SLC15A5: variants seen among roughly 807,000 people sequenced by gnomAD.
SLC15A5 encodes solute carrier family 15 member 5, also known as Peptide/histidine transporter ENSP00000340402.
A neutral mutation model predicts 56.1 loss-of-function variants in SLC15A5; 58 were observed. The observed-to-expected ratio is 1.03, with a 90% CI of 0.84 to 1.29. The LOEUF (loss-of-function observed/expected upper bound fraction) is 1.29, where lower values mean the gene tolerates loss of function less well. Ranked by LOEUF, SLC15A5 falls within the 50% of genes most tolerant of loss-of-function variation. The pLI, the probability that SLC15A5 is intolerant of heterozygous loss-of-function variation, is 0.00. For synonymous variants in SLC15A5, 264 were observed against 250.5 expected, an observed-to-expected ratio of 1.05 and a Z score of -0.51; for missense variants, 681 against 672.1, an observed-to-expected ratio of 1.01 and a Z score of -0.15.
chr12:16,207,803 G>A (rs981439878), intron 7 of SLC15A5, among the ~76,000 whole-genome samples: 1 of 151,874 alleles, frequency 6.6e-6, no homozygotes, highest in Non-Finnish European at 1.5e-5. Context: ...ACAGGTGCAC[G>A]CCACCACTCC....
intron 7 of SLC15A5, among the ~76,000 whole-genome samples, chr12:16,216,432 G>A (rs1241956194): frequency 2.0e-5 from 3 of 152,170 alleles, no homozygotes; most frequent in Middle Eastern, 6.8e-3. Context: ...TCTCTACTGG[G>A]AAAATTTTAA....
chr12:16,275,435 G>T (rs1864806425), intron 1 of SLC15A5, among the ~76,000 whole-genome samples: 1 of 152,008 alleles, frequency 6.6e-6, no homozygotes, highest in African/African-American at 2.4e-5. Context: ...GATAATAGAA[G>T]CAATATAGAG....
At chr12:16,254,391 T>C (rs1205798021) in intron 3 of SLC15A5, among the ~76,000 whole-genome samples, 1 of 152,086 alleles carries the variant, frequency 6.6e-6, no homozygotes, top group African/African-American at 2.4e-5. Context: ...ATGAAAAAGT[T>C]CTAGAAATCC....
At chr12:16,219,565 G>C (rs573924000) in intron 6 of SLC15A5, among the ~76,000 whole-genome samples, 1 of 152,194 alleles carries the variant, frequency 6.6e-6, no homozygotes, top group South Asian at 2.1e-4. Context: ...TTCTGGTACG[G>C]TATATAATTC....
At chr12:16,258,143 TA>T (rs1158222190) in intron 2 of SLC15A5, among the ~76,000 whole-genome samples, 2 of 152,138 alleles carry the variant, frequency 1.3e-5, no homozygotes, top group Non-Finnish European at 2.9e-5. Flanking sequence ...AATTTTTCTC[TA>T]AAGGGCTGAA....
intron 7 of SLC15A5, among the ~76,000 whole-genome samples, chr12:16,210,762 C>T (rs1471265047): frequency 6.6e-6 from 1 of 152,140 alleles, no homozygotes; most frequent in Non-Finnish European, 1.5e-5. Context: ...CCTTTTCTAC[C>T]TCTCGTGAGC....
intron 2 of SLC15A5, among the ~76,000 whole-genome samples, chr12:16,261,260 T>C (rs2136811922): frequency 6.6e-6 from 1 of 152,306 alleles, no homozygotes; most frequent in East Asian, 1.9e-4. Context: ...CTTCCTCATC[T>C]CCAGGAAACC....
chr12:16,226,007 G>A (rs1035991100), intron 5 of SLC15A5, among the ~76,000 whole-genome samples: 18 of 152,176 alleles, frequency 1.2e-4, no homozygotes, highest in African/African-American at 4.1e-4. Flanking sequence ...CCAAGGTGGA[G>A]TTAATAACGC....
chr12:16,210,160 C>CA (rs2136243678), intron 7 of SLC15A5, among the ~76,000 whole-genome samples: 1 of 152,252 alleles, frequency 6.6e-6, no homozygotes, highest in East Asian at 1.9e-4. Flanking sequence ...AGAAAAACCT[C>CA]ATTCCTAGGC....
At chr12:16,254,842 G>A (rs1216390517) in intron 3 of SLC15A5, among the ~76,000 whole-genome samples, 1 of 152,146 alleles carries the variant, frequency 6.6e-6, no homozygotes, top group Non-Finnish European at 1.5e-5. Context: ...ATTAGAGGCT[G>A]GGAAGCATAG....
At chr12:16,241,696 G>T (rs1405400608) in intron 4 of SLC15A5, among the ~76,000 whole-genome samples, 4 of 152,176 alleles carry the variant, frequency 2.6e-5, no homozygotes, top group Non-Finnish European at 5.9e-5. Flanking sequence ...AACAAAAAGT[G>T]CTGGCAGCGG....
intron 5 of SLC15A5, among the ~76,000 whole-genome samples, chr12:16,239,308 C>T (rs565876630): frequency 4.0e-4 from 61 of 152,222 alleles, no homozygotes; most frequent in South Asian, 3.3e-3. Context: ...ATTTTGTTAC[C>T]GATTCAGAAA....
intron 3 of SLC15A5, among the ~76,000 whole-genome samples, chr12:16,252,957 A>T (rs2136801027): frequency 6.6e-6 from 1 of 152,286 alleles, no homozygotes; most frequent in African/African-American, 2.4e-5. Flanking sequence ...GACCAATGGA[A>T]CAGAGTAGAG....
At chr12:16,228,930 A>G (rs1265003219) in intron 5 of SLC15A5, among the ~76,000 whole-genome samples, 4 of 152,106 alleles carry the variant, frequency 2.6e-5, no homozygotes, top group African/African-American at 9.7e-5. Flanking sequence ...TAGATTTTTG[A>G]CTGTGTGGGG....
At position 16,269,348 on chromosome 12, in the gene SLC15A5, G is replaced by C. The variant is rs939620598; in HGVS notation, c.584+3213C>G. On this transcript the variant is annotated intron_variant, in intron 2 of 8. Transcript: ENST00000344941. The surrounding 1 kb of genome is among the most constrained non-coding windows in gnomAD (Gnocchi z 4.7). ...GGAACAGTGGTTCTCAACTCTAACTGGGCAGCTTTAAAAAATCCTGGTCCC... is the reference window on the plus strand; with the variant it reads ...GGAACAGTGGTTCTCAACTCTAACTCGGCAGCTTTAAAAAATCCTGGTCCC... Among the ~76,000 whole-genome samples, 1 of 152,072 alleles carries C rather than the reference G, an allele frequency of 6.6e-6. No individual in the cohort carries two copies. Among genetic ancestry groups the C allele is most frequent in the African/African-American group, 2.4e-5 (1 of 41,392 alleles).
At chr12:16,233,854 A>G (rs1864322733) in intron 5 of SLC15A5, among the ~76,000 whole-genome samples, 1 of 152,204 alleles carries the variant, frequency 6.6e-6, no homozygotes, top group Non-Finnish European at 1.5e-5. Flanking sequence ...GATGATTCTT[A>G]TACAAATTAA....
At position 16,239,346 on chromosome 12, in the gene SLC15A5, CTG is replaced by C. The variant is rs542897104; in HGVS notation, c.1162+333_1162+334del. 2.2e-4 allele frequency among the ~76,000 whole-genome samples: 33 copies of C among 152,272 alleles called. No individual in the cohort carries two copies. The East Asian group carries it at 6.0e-3, about 28-fold the overall frequency. ...AAAATGATCTTTTGGAATTAATTAACTGTTTATTTTTAAGAACCTATTTGACA... is the reference window on the plus strand; with the variant it reads ...AAAATGATCTTTTGGAATTAATTAACTTTATTTTTAAGAACCTATTTGACA... On this transcript the variant is annotated intron_variant, in intron 5 of 8. Coordinates refer to ENST00000344941, the MANE Select transcript of SLC15A5 (RefSeq NM_001170798.1).
chr12:16,221,470 G>C (rs1010647120), intron 6 of SLC15A5, among the ~76,000 whole-genome samples: 5 of 152,178 alleles, frequency 3.3e-5, no homozygotes, highest in African/African-American at 1.2e-4. Flanking sequence ...CAAGTACAAA[G>C]GACTTGGGGT....
chr12:16,228,982 G>A lies in SLC15A5; in HGVS notation c.1163-4380C>T, dbSNP rs574899257. Among the ~76,000 whole-genome samples the A allele has an allele frequency of 2.2e-4, 33 of 152,238 alleles. No homozygotes were observed. In the South Asian group the frequency reaches 5.0e-3, roughly 23 times the overall value. On this transcript the variant is annotated intron_variant, in intron 5 of 8. Transcript: ENST00000344941. ...CCTGCGTTGTTCAAGGGTCAACTGC[G>A]TATTATAAATCAATTTGCTTCTATC...
Sources: gnomAD v4.1 joint callset for allele counts (sites outside exome capture counted in the v4.1 genomes callset) on GRCh38, gnomAD v4.1.1 for gene constraint, Gnocchi (gnomAD v3.1) non-coding constraint, MANE v1.5 for transcripts, NCBI Gene and HGNC (gene_info 2026-07-23, HGNC 2026-07-21) for gene names.